Variants in FGF12 observed in about 807,000 individuals in gnomAD.
The protein encoded by FGF12 is fibroblast growth factor 12.
FGF12 carries 14 observed loss-of-function variants against 23.6 expected under a neutral mutation model. The observed-to-expected ratio is 0.59, with a 90% CI of 0.39 to 0.93. The LOEUF (loss-of-function observed/expected upper bound fraction) is 0.93. FGF12 is among the 40% of genes least tolerant of loss of function. The probability of loss-of-function intolerance (pLI) is 0.00; values close to 1 mark genes in which losing one functional copy is unlikely to be tolerated. For missense variants in FGF12, 175 were observed against 217.8 expected (o/e 0.80, Z 1.24); for synonymous variants, 62 against 77.3 (o/e 0.80, Z 1.04).
chr3:192,364,554 T>C (rs1718885638), intron 2 of FGF12, among the ~76,000 whole-genome samples: 1 of 152,170 alleles, frequency 6.6e-6, no homozygotes, highest in Admixed American at 6.5e-5. Context: ...GAGTGTCATA[T>C]GGAATGTAAG....
chr3:192,475,975 A>G (rs1397022996), intron 2 of FGF12, among the ~76,000 whole-genome samples: 1 of 151,690 alleles, frequency 6.6e-6, no homozygotes, highest in Non-Finnish European at 1.5e-5. Context: ...GCAGATATAT[A>G]AAATATTTCT....
intron 2 of FGF12, among the ~76,000 whole-genome samples, chr3:192,384,347 A>T (rs1326537654): frequency 6.6e-6 from 1 of 152,218 alleles, no homozygotes; most frequent in Admixed American, 6.5e-5. Flanking sequence ...GATATTTTAT[A>T]AAGACTTAAG....
intron 4 of FGF12, among the ~76,000 whole-genome samples, chr3:192,222,169 A>G (rs1234869390): frequency 6.6e-6 from 1 of 152,136 alleles, no homozygotes; most frequent in Non-Finnish European, 1.5e-5. Flanking sequence ...AAGGCCATGA[A>G]CATGGGAATG....
intron 2 of FGF12, among the ~76,000 whole-genome samples, chr3:192,469,398 T>C (rs1352251098): frequency 6.6e-6 from 1 of 152,164 alleles, no homozygotes; most frequent in Non-Finnish European, 1.5e-5. Context: ...TACTATGAAT[T>C]CCTACTAATA....
In FGF12 at chr3:192,691,628, C is replaced by G. The variant is rs1276289139; in HGVS notation, c.13+35553G>C. Among the ~76,000 whole-genome samples, 3 of 151,240 alleles carry G rather than the reference C, an allele frequency of 2.0e-5. No homozygotes were observed. In the East Asian group the frequency reaches 5.8e-4, roughly 29 times the overall value. ...CAACTTAACATTCTACCTCAAAAAACTAGAAAAAGAAAAAGAAACTAAGTC... is the reference window on the plus strand; with the variant it reads ...CAACTTAACATTCTACCTCAAAAAAGTAGAAAAAGAAAAAGAAACTAAGTC... On this transcript the variant is annotated intron_variant, in intron 2 of 5. Transcript: ENST00000445105.
At chr3:192,159,195 A>G (rs1199404586) in intron 5 of FGF12, among the ~76,000 whole-genome samples, 2 of 152,136 alleles carry the variant, frequency 1.3e-5, no homozygotes, top group Admixed American at 1.3e-4. Flanking sequence ...AATTCTTTCC[A>G]TTCAGACTTA....
At chr3:192,161,505 TACACACAC>T (rs10543146) in intron 5 of FGF12, among the ~76,000 whole-genome samples, 24,539 of 149,622 alleles carry the variant, frequency 0.16, 2,034 homozygotes, top group Admixed American at 0.19. Context: ...AACGCCTATT[TACACACAC>T]ACACACACAC....
chr3:192,213,279 T>TC (rs373031663), intron 4 of FGF12, among the ~76,000 whole-genome samples: 36 of 152,164 alleles, frequency 2.4e-4, no homozygotes, highest in Middle Eastern at 3.4e-3. Context: ...CTTTTTTTTT[T>TC]CCCTTTTTTT....
chr3:192,572,514 T>C (rs948378112), intron 2 of FGF12, among the ~76,000 whole-genome samples: 7 of 152,142 alleles, frequency 4.6e-5, no homozygotes, highest in African/African-American at 1.4e-4. Context: ...ATAAGTTTTG[T>C]AGTGACACAA....
rs574305523 is a variant in FGF12 at position 192,155,507 on chromosome 3, TA to T, written c.428-11381del. Among the ~76,000 whole-genome samples the T allele has an allele frequency of 5.1e-4, 77 of 152,312 alleles. 2 individuals are homozygous for T. In the East Asian group the frequency reaches 0.015, roughly 29 times the overall value. Reference sequence around the variant, plus strand: ...AAAGGTGAGGTTCATTTGGGCGATCTAAAACATGTTCTTTTGTTTTGGGGGG... The same window carrying T: ...AAAGGTGAGGTTCATTTGGGCGATCTAAACATGTTCTTTTGTTTTGGGGGG... On this transcript the variant is annotated intron_variant, in intron 5 of 5. Transcript: ENST00000445105.
At chr3:192,564,920 G>C (rs1712207739) in intron 2 of FGF12, among the ~76,000 whole-genome samples, 1 of 152,120 alleles carries the variant, frequency 6.6e-6, no homozygotes, top group Non-Finnish European at 1.5e-5. Flanking sequence ...ACTGGCTGTG[G>C]GACTTTCCCA....
intron 2 of FGF12, among the ~76,000 whole-genome samples, chr3:192,695,692 A>T (rs1386662620): frequency 6.6e-6 from 1 of 152,128 alleles, no homozygotes; most frequent in Non-Finnish European, 1.5e-5. Flanking sequence ...ATTTTCCCTC[A>T]CTCAAAGTAT....
chr3:192,501,663 G>C lies in FGF12; in HGVS notation c.14-141125C>G, dbSNP rs527701807. ...TGAGCACACGCACACAATGACAGCA[G>C]CCAACCGTAATTGCCAGAGAAGATA... On this transcript the variant is annotated intron_variant, in intron 2 of 5. Coordinates refer to ENST00000445105, the MANE Select transcript of FGF12 (RefSeq NM_004113.6). Among the ~76,000 whole-genome samples, 7 of 152,312 alleles carry C rather than the reference G, an allele frequency of 4.6e-5. No homozygotes were observed. The East Asian group carries it at 1.3e-3, about 29-fold the overall frequency.
At chr3:192,536,261 G>A (rs1725220479) in intron 2 of FGF12, among the ~76,000 whole-genome samples, 1 of 152,086 alleles carries the variant, frequency 6.6e-6, no homozygotes, top group Non-Finnish European at 1.5e-5. Flanking sequence ...AGGCTATATG[G>A]TCCATAAAGC....
At chr3:192,295,907 A>G (rs112416712) in intron 4 of FGF12, among the ~76,000 whole-genome samples, 9,179 of 151,704 alleles carry the variant, frequency 0.061, 360 homozygotes, top group South Asian at 0.088. Context: ...TTTTGAGACA[A>G]GGTCTTGCTC....
At position 192,143,642 on chromosome 3, in the gene FGF12, C is replaced by G. The variant is rs1044207684; in HGVS notation, c.*367G>C. The stretch of plus-strand genomic sequence containing the variant: ...AACATCAGTTTGTGAGTTCAATTCT[C>G]CAAATCCTTTCCTTTAAAGTAATAA... On this transcript the variant is annotated 3_prime_UTR_variant, in exon 6 of 6. Coordinates refer to ENST00000445105, the MANE Select transcript of FGF12 (RefSeq NM_004113.6). 1 of 167,928 alleles carries G rather than the reference C, an allele frequency of 6.0e-6. No individual in the cohort carries two copies. The highest frequency in any genetic ancestry group is 1.3e-5 in the Non-Finnish European group (1 of 78,762). 10.4% of individuals were successfully genotyped at this position (167,928 alleles called of 1,614,324 possible).
chr3:192,664,002 C>G (rs1262965940), intron 2 of FGF12, among the ~76,000 whole-genome samples: 1 of 152,176 alleles, frequency 6.6e-6, no homozygotes, highest in African/African-American at 2.4e-5. Context: ...ACATAAGCTT[C>G]TCCAATCCTA....
At chr3:192,724,358 G>A (rs900885714) in intron 2 of FGF12, among the ~76,000 whole-genome samples, 1 of 152,036 alleles carries the variant, frequency 6.6e-6, no homozygotes, top group African/African-American at 2.4e-5. Context: ...GACCTCTAAA[G>A]GAAACATATA....
intron 2 of FGF12, among the ~76,000 whole-genome samples, chr3:192,366,088 C>A (rs1296138099): frequency 6.6e-6 from 1 of 151,932 alleles, no homozygotes; most frequent in African/African-American, 2.4e-5. Context: ...AAGAACTCAG[C>A]TCCTATATAC....
Sources: allele counts gnomAD v4.1 joint callset (sites outside exome capture counted in the v4.1 genomes callset), GRCh38; gene constraint gnomAD v4.1.1; transcripts MANE v1.5; gene names NCBI Gene and HGNC (gene_info 2026-07-23, HGNC 2026-07-21).